FAM186A: variants seen among roughly 807,000 people sequenced by gnomAD.
FAM186A encodes protein FAM186A.
Under a neutral mutation model 216.8 loss-of-function variants are expected in FAM186A, and 163 were observed. That is an observed-to-expected ratio of 0.75 (90% CI 0.66 to 0.86). The LOEUF is 0.86. Among genes scored for constraint, FAM186A ranks in the 40% least tolerant of loss-of-function variants. The pLI, the probability that FAM186A is intolerant of heterozygous loss-of-function variation, is 0.00. For missense variants in FAM186A, 2,184 were observed against 2,746.2 expected, an observed-to-expected ratio of 0.80 and a Z score of 4.58; for synonymous variants, 805 against 1,025.3, an observed-to-expected ratio of 0.79 and a Z score of 4.10.
At chr12:50,385,361 T>A (rs1943292429) in intron 1 of FAM186A, among the ~76,000 whole-genome samples, 1 of 142,438 alleles carries the variant, frequency 7.0e-6, no homozygotes, top group Admixed American at 7.3e-5. Context: ...GAGGTTGCAG[T>A]GAGCTGAGAT....
At chr12:50,362,899 A>G (rs904640474) in intron 2 of FAM186A, among the ~76,000 whole-genome samples, 1 of 152,172 alleles carries the variant, frequency 6.6e-6, no homozygotes, top group Admixed American at 6.5e-5. Flanking sequence ...ATAAGGGAAT[A>G]GTATGCATAA....
chr12:50,331,284 G>A (rs539067609), intron 6 of FAM186A, among the ~76,000 whole-genome samples: 196 of 152,256 alleles, frequency 1.3e-3, no homozygotes, highest in African/African-American at 4.6e-3. Flanking sequence ...CTGTTGCCCA[G>A]GCTGGAGTGC....
At chr12:50,340,019 G>C (rs1035235361) in intron 4 of FAM186A, among the ~76,000 whole-genome samples, 3 of 152,046 alleles carry the variant, frequency 2.0e-5, no homozygotes, top group Middle Eastern at 6.8e-3. Flanking sequence ...TTTATTTTTA[G>C]TAGAGATAGG....
Position 50,327,347 on chromosome 12 carries a change from A to C in FAM186A, c.*36T>G, listed in dbSNP as rs1327030130. ...TAGGCATTTTACTGAAAGATACTGAAATGTACTTTCAACATGCTTGTATTT... is the reference window on the plus strand; with the variant it reads ...TAGGCATTTTACTGAAAGATACTGACATGTACTTTCAACATGCTTGTATTT... On this transcript the variant is annotated 3_prime_UTR_variant, in exon 8 of 8. Coordinates refer to ENST00000327337, the MANE Select transcript of FAM186A (RefSeq NM_001145475.3). 1 of 1,512,282 alleles carries C rather than the reference A, an allele frequency of 6.6e-7. No individual in the cohort carries two copies. The highest frequency in any genetic ancestry group is 9.0e-7 in the Non-Finnish European group (1 of 1,111,914). The allele number at this position is 1,512,282 out of a possible 1,614,324, so 93.7% of individuals were successfully genotyped here.
chr12:50,368,376 G>T (rs1228124702), intron 1 of FAM186A, among the ~76,000 whole-genome samples: 1 of 151,746 alleles, frequency 6.6e-6, no homozygotes, highest in Non-Finnish European at 1.5e-5. Context: ...TTCCAGCCTG[G>T]GCAACAGAGC....
Position 50,355,130 on chromosome 12 carries a change from C to A in FAM186A, c.1702G>T (p.Glu568Ter). 6.4e-7 allele frequency: 1 copy of A among 1,551,550 alleles called. No individual in the cohort carries two copies. Residue 568 changes from glutamate (E) to a stop codon, truncating the protein, a stop_gained, in exon 4 of 8, where the codon GAA becomes TAA. Transcript: ENST00000327337. LOFTEE classifies it high-confidence loss of function. The part of the protein sequence containing the change: ...KRPTAAEIKV[E>*]PTTESLDKEG... The stretch of plus-strand genomic sequence containing the variant: ...TTGTCCAATGACTCAGTGGTGGGTT[C>A]CACTTTAATCTCTGCTGCAGTTGGA...
chr12:50,384,091 C>T (rs184711707), intron 1 of FAM186A, among the ~76,000 whole-genome samples: 1 of 151,928 alleles, frequency 6.6e-6, no homozygotes. Context: ...GCACTCCAAC[C>T]TGGGCGACAA....
chr12:50,389,403 G>A (rs1943336809), intron 1 of FAM186A, among the ~76,000 whole-genome samples: 1 of 152,168 alleles, frequency 6.6e-6, no homozygotes, highest in Non-Finnish European at 1.5e-5. Context: ...GGGAGGCTGA[G>A]GCAGTAGAAT....
intron 3 of FAM186A, among the ~76,000 whole-genome samples, chr12:50,357,421 G>GA (rs1942988575): frequency 6.7e-6 from 1 of 149,556 alleles, no homozygotes; most frequent in African/African-American, 2.5e-5. Flanking sequence ...AGAACCACTT[G>GA]AACCTGGGAA....
At chr12:50,368,575 G>A (rs1310861587) in intron 1 of FAM186A, among the ~76,000 whole-genome samples, 1 of 151,964 alleles carries the variant, frequency 6.6e-6, no homozygotes, top group Non-Finnish European at 1.5e-5. Flanking sequence ...ATATTGTTAA[G>A]ATGTCAATAC....
chr12:50,379,917 G>C lies in FAM186A; in HGVS notation c.192+16376C>G, dbSNP rs145006024. 2.5e-3 allele frequency among the ~76,000 whole-genome samples: 381 copies of C among 152,296 alleles called. 1 individual carries two copies. The highest frequency in any genetic ancestry group is 0.018 in the South Asian group (85 of 4,832). ...AAATAAATACAAGAAGGATAAGCCA[G>C]AGGCTAGACAGATTGGTTACATATA... On this transcript the variant is annotated intron_variant, in intron 1 of 7. Transcript: ENST00000327337.
At chr12:50,332,740 T>C (rs576349839) in intron 5 of FAM186A, among the ~76,000 whole-genome samples, 18 of 152,014 alleles carry the variant, frequency 1.2e-4, no homozygotes, top group Non-Finnish European at 2.6e-4. Flanking sequence ...AAAATATAAC[T>C]GTTCTGGGCC....
At position 50,350,343 on chromosome 12, in the gene FAM186A, C is replaced by G; in HGVS notation, c.6489G>C (p.Leu2163=). The G allele has an allele frequency of 1.3e-6, 2 of 1,536,358 alleles. No homozygotes were observed. The highest frequency in any genetic ancestry group is 1.8e-6 in the Non-Finnish European group (2 of 1,139,798). ...ATTATATCTACCTGGCATGCTGGAT[C>G]AGCCTATAGGCAATGTACTTGCGGA... ...YLFRKYIAYR[L]IQHARNNIMK... is the part of the protein sequence containing the mutation. The change falls in exon 4 of 8, where the codon CTG becomes CTC. Residue 2163 remains leucine, a synonymous_variant. Coordinates refer to ENST00000327337, the MANE Select transcript of FAM186A (RefSeq NM_001145475.3).
intron 1 of FAM186A, among the ~76,000 whole-genome samples, chr12:50,379,482 A>C (rs1395689242): frequency 5.5e-3 from 66 of 11,896 alleles, no homozygotes; most frequent in Non-Finnish European, 0.03. Context: ...ACAAAAACAA[A>C]AACAAAAAAA....
At chr12:50,368,357 G>A (rs1250663613) in intron 1 of FAM186A, among the ~76,000 whole-genome samples, 5 of 151,896 alleles carry the variant, frequency 3.3e-5, no homozygotes, top group African/African-American at 9.7e-5. Context: ...CCATGATTGC[G>A]CCACTGCATT....
At chr12:50,327,551 T>C in intron 7 of FAM186A, 147 bp from the exon 8 acceptor site, 1 of 640,178 alleles carries the variant, frequency 1.6e-6, no homozygotes, top group Non-Finnish European at 2.7e-6. Context: ...TTTTTTTTTT[T>C]TTTTTTTTGA....
In FAM186A at chr12:50,355,679, T is replaced by C; in HGVS notation, c.1153A>G (p.Ile385Val). The C allele has an allele frequency of 6.4e-7, 1 of 1,550,888 alleles. No individual in the cohort carries two copies. Among genetic ancestry groups the C allele is most frequent in the South Asian group, 1.2e-5 (1 of 83,748 alleles). Residue 385 changes from isoleucine (I) to valine (V), a missense_variant, in exon 4 of 8, where the codon ATT becomes GTT. Ile to Val is a conservative substitution (Grantham distance 29, BLOSUM62 3). Around this residue, in one of 7 missense-constraint regions of FAM186A, gnomAD observed 1,132 missense variants for 1,263.4 expected, o/e 0.90. Transcript: ENST00000327337. ...TCTTTTCTTTGGACTTCATCTACAA[T>C]ATTTTCAAGTTCCTTGTCTAAAATA... ...DNILDKELEN[I>V]VDEVQRKETK...
At position 50,333,927 on chromosome 12, in the gene FAM186A, A is replaced by G; in HGVS notation, c.6680T>C (p.Ile2227Thr). ...QKRNQCLKKMIHVFNQLKKIH... is the reference protein window; with the variant it reads ...QKRNQCLKKMTHVFNQLKKIH... ...GCAGGTTACCTGGTTGAATACGTGT[A>G]TCATTTTCTTCAGGCACTGATTCCG... Residue 2227 changes from isoleucine to threonine, a missense_variant, in exon 5 of 8, where the codon ATA (isoleucine) becomes ACA (threonine). Around this residue, in one of 7 missense-constraint regions of FAM186A, gnomAD observed 721 missense variants for 816.4 expected, o/e 0.88. Coordinates refer to ENST00000327337, the MANE Select transcript of FAM186A (RefSeq NM_001145475.3). 1.9e-6 allele frequency: 3 copies of G among 1,550,908 alleles called. No homozygotes were observed. Among genetic ancestry groups the G allele is most frequent in the Non-Finnish European group, 2.6e-6 (3 of 1,146,828 alleles).
In FAM186A at chr12:50,354,545, G is replaced by T. The variant is rs1405764717; in HGVS notation, c.2287C>A (p.His763Asn). 1.9e-6 allele frequency: 3 copies of T among 1,551,470 alleles called. No homozygotes were observed. The highest frequency in any genetic ancestry group is 2.6e-6 in the Non-Finnish European group (3 of 1,146,998). The stretch of plus-strand genomic sequence containing the variant: ...GCACTAATTGGTGACTTCTGAAAAT[G>T]CAATCCTGGCATAAATGAGACTACC... ...KKVVSFMPGL[H>N]FQKSPISAKS... Residue 763 changes from histidine (H) to asparagine (N), a missense_variant, in exon 4 of 8, where the codon CAT (histidine) becomes AAT (asparagine). Coordinates refer to ENST00000327337, the MANE Select transcript of FAM186A (RefSeq NM_001145475.3).
Sources: gnomAD v4.1 joint callset for allele counts (sites outside exome capture counted in the v4.1 genomes callset) on GRCh38, gnomAD v4.1.1 for gene constraint, gnomAD v4.1.1 regional missense constraint, MANE v1.5 for transcripts, NCBI Gene and HGNC (gene_info 2026-07-23, HGNC 2026-07-21) for gene names.